NAV2: variants seen among roughly 807,000 people sequenced by gnomAD.
NAV2 encodes the protein neuron navigator 2.
In NAV2, 54 loss-of-function variants were observed where a neutral mutation model predicts 223.2. The observed-to-expected ratio is 0.24, with a 90% CI of 0.19 to 0.30. NAV2 has a LOEUF of 0.30. Ranked by LOEUF, NAV2 falls within the 10% of genes least tolerant of loss-of-function variation. NAV2 has a pLI of 1.00. For missense variants in NAV2, 2,806 were observed against 3,147.5 expected, an observed-to-expected ratio of 0.89 and a Z score of 2.60; for synonymous variants, 1,279 against 1,239.3, an observed-to-expected ratio of 1.03 and a Z score of -0.67.
chr11:20,053,352 T>G (rs536218233), intron 17 of NAV2, among the ~76,000 whole-genome samples: 4 of 152,236 alleles, frequency 2.6e-5, no homozygotes, highest in Non-Finnish European at 5.9e-5. Flanking sequence ...GGTTCTTACC[T>G]TCCCTGAATG....
At chr11:20,011,630 T>A (rs1372466501) in intron 11 of NAV2, among the ~76,000 whole-genome samples, 1 of 152,258 alleles carries the variant, frequency 6.6e-6, no homozygotes. Flanking sequence ...AGCCAGGATT[T>A]GTAGCTAGAC....
chr11:20,022,827 G>T, intron 11 of NAV2: 2 of 1,266,344 alleles, frequency 1.6e-6, no homozygotes, highest in Non-Finnish European at 2.0e-6. Context: ...GTTAGCTTTT[G>T]CTTTGCTGAA....
chr11:19,943,934 ACGCCTGT>A, intron 8 of NAV2, among the ~76,000 whole-genome samples: 1 of 133,648 alleles, frequency 7.5e-6, no homozygotes, highest in Non-Finnish European at 1.7e-5. Flanking sequence ...GTGGTGGCTC[ACGCCTGT>A]AATCCCAGCA....
chr11:19,815,785 C>T (rs562321667), intron 1 of NAV2, among the ~76,000 whole-genome samples: 4 of 152,274 alleles, frequency 2.6e-5, no homozygotes, highest in African/African-American at 4.8e-5. Flanking sequence ...AAGCTGCCAC[C>T]GCCCATGTTT....
rs11025144 is a variant in NAV2 at position 19,461,312 on chromosome 11, C to T, written c.75+110285C>T. Among the ~76,000 whole-genome samples, 19 of 152,264 alleles carry T rather than the reference C, an allele frequency of 1.2e-4. No homozygotes were observed. The East Asian group carries it at 3.5e-3, about 28-fold the overall frequency. ...CTCCTCCACAGGGATTTTTATAGTG[C>T]TACGATTATTTTATTGCCAAGAATC... is the stretch of plus-strand genomic sequence containing the variant. On this transcript the variant is annotated intron_variant, in intron 1 of 37. Coordinates refer to the NAV2 transcript ENST00000360655.
intron 37 of NAV2, 28 bp downstream of exon 37, chr11:20,114,823 A>G (rs987245964): frequency 6.3e-7 from 1 of 1,597,368 alleles, no homozygotes. Context: ...AGAGCAGCTC[A>G]GCATTCCTTT....
intron 12 of NAV2, among the ~76,000 whole-genome samples, chr11:20,040,107 G>C (rs1057388990): frequency 1.3e-5 from 2 of 152,204 alleles, no homozygotes; most frequent in African/African-American, 4.8e-5. Context: ...AGGATGACTG[G>C]CAGGCGATGA....
At chr11:19,572,986 CA>C (rs1454124670) in intron 1 of NAV2, among the ~76,000 whole-genome samples, 1 of 152,194 alleles carries the variant, frequency 6.6e-6, no homozygotes, top group Non-Finnish European at 1.5e-5. Flanking sequence ...AAACTGGCCA[CA>C]AATTGCATTT....
At chr11:19,941,534 T>C (rs1419774251) in intron 8 of NAV2, among the ~76,000 whole-genome samples, 1 of 152,030 alleles carries the variant, frequency 6.6e-6, no homozygotes, top group African/African-American at 2.4e-5. Flanking sequence ...GAAATGGACA[T>C]TTACATAACT....
At chr11:19,793,011 C>G (rs1223778122) in intron 1 of NAV2, among the ~76,000 whole-genome samples, 3 of 151,580 alleles carry the variant, frequency 2.0e-5, no homozygotes, top group Non-Finnish European at 4.4e-5. Flanking sequence ...GAGTTCGAGA[C>G]CAGCCTGGCC....
intron 1 of NAV2, among the ~76,000 whole-genome samples, chr11:19,474,585 A>G (rs1480519819): frequency 1.3e-5 from 2 of 152,236 alleles, no homozygotes; most frequent in Non-Finnish European, 2.9e-5. Context: ...TAAGTGTAGC[A>G]ATGGAGTGAA....
chr11:19,768,490 C>T (rs1000173022), intron 1 of NAV2, among the ~76,000 whole-genome samples: 2 of 151,702 alleles, frequency 1.3e-5, no homozygotes, highest in African/African-American at 2.4e-5. Flanking sequence ...GGCAAAAGGA[C>T]GGAAAAGAGG....
chr11:19,832,528 C>A lies in NAV2; in HGVS notation c.312C>A (p.His104Gln). Residue 104 changes from histidine to glutamine, a missense_variant, in exon 2 of 38, where the codon CAC becomes CAA. This residue lies in a region of NAV2 where 1,167 missense variants were observed against 1,180.5 expected (regional missense o/e 0.99). Transcript: ENST00000349880. ...ATCATTACCTAGCCAAATCCGGCCA[C>A]AAGCGTCTCATCAGGGATCTCCAGC... ...WANHYLAKSG[H>Q]KRLIRDLQQD... is the part of the protein sequence containing the mutation. The A allele has an allele frequency of 1.2e-6, 2 of 1,614,198 alleles. No homozygotes were observed. Among genetic ancestry groups the A allele is most frequent in the Admixed American group, 3.3e-5 (2 of 60,034 alleles).
chr11:19,727,133 C>T (rs764082959), intron 1 of NAV2, among the ~76,000 whole-genome samples: 5 of 152,200 alleles, frequency 3.3e-5, no homozygotes, highest in Non-Finnish European at 7.3e-5. Flanking sequence ...TGACCAGAGA[C>T]TGTTATCTAC....
intron 3 of NAV2, among the ~76,000 whole-genome samples, chr11:19,859,631 GGCCCGTTCTCAATGAGCT>G (rs2061580920): frequency 6.6e-6 from 1 of 152,050 alleles, no homozygotes; most frequent in Non-Finnish European, 1.5e-5. Flanking sequence ...TCGTCATCAT[GGCCCGTTCTCAATGAGCT>G]GTTGAGTACA....
chr11:19,957,398 G>C (rs2047966339), intron 10 of NAV2, among the ~76,000 whole-genome samples: 1 of 152,244 alleles, frequency 6.6e-6, no homozygotes, highest in African/African-American at 2.4e-5. Context: ...GGTAGAGTGA[G>C]CAAGCGCAGA....
At chr11:19,444,965 C>T (rs1851531521) in intron 1 of NAV2, among the ~76,000 whole-genome samples, 1 of 152,092 alleles carries the variant, frequency 6.6e-6, no homozygotes, top group Non-Finnish European at 1.5e-5. Flanking sequence ...AATGTCTGGC[C>T]CAGAGTAAAA....
At chr11:20,096,441 A>G (rs1321271717) in intron 30 of NAV2, among the ~76,000 whole-genome samples, 1 of 152,204 alleles carries the variant, frequency 6.6e-6, no homozygotes, top group African/African-American at 2.4e-5. Flanking sequence ...GGGCTCATTA[A>G]TCATATTCCC....
intron 1 of NAV2, among the ~76,000 whole-genome samples, chr11:19,807,192 G>C (rs529949489): frequency 6.6e-6 from 1 of 152,276 alleles, no homozygotes; most frequent in African/African-American, 2.4e-5. Context: ...AAATCCCATG[G>C]TCATGATAAT....
Sources: allele counts gnomAD v4.1 joint callset (sites outside exome capture counted in the v4.1 genomes callset), GRCh38; gene constraint gnomAD v4.1.1; regional missense constraint gnomAD v4.1.1; transcripts MANE v1.5; gene names NCBI Gene and HGNC (gene_info 2026-07-23, HGNC 2026-07-21).